Variants in PARVB observed in about 807,000 individuals in gnomAD.
The protein encoded by PARVB is beta-parvin.
In PARVB, 46 loss-of-function variants were observed where a neutral mutation model predicts 47.0. The ratio of observed to expected loss-of-function variants is 0.98; its 90% CI spans 0.77 to 1.25. The LOEUF is 1.25. Among genes scored for constraint, PARVB ranks in the 50% most tolerant of loss-of-function variants. The probability of loss-of-function intolerance (pLI) is 0.00; values close to 1 mark genes in which losing one functional copy is unlikely to be tolerated. For missense variants in PARVB, 473 were observed against 471.6 expected (o/e 1.00, Z -0.03); for synonymous variants, 196 against 196.3 (o/e 1.00, Z 0.01).
At chr22:44,120,262 G>A (rs1271562372) in intron 4 of PARVB, among the ~76,000 whole-genome samples, 2 of 152,202 alleles carry the variant, frequency 1.3e-5, no homozygotes, top group African/African-American at 4.8e-5. Context: ...AGATGTCCCT[G>A]GTTGTCCCCA....
At chr22:44,016,281 A>G (rs965266671) in intron 2 of PARVB, among the ~76,000 whole-genome samples, 3 of 151,890 alleles carry the variant, frequency 2.0e-5, no homozygotes, top group African/African-American at 7.2e-5. Flanking sequence ...TATTTTTAGT[A>G]GAGACGGGGT....
At chr22:44,024,969 T>G (rs945261590) in intron 1 of PARVB, among the ~76,000 whole-genome samples, 1 of 151,680 alleles carries the variant, frequency 6.6e-6, no homozygotes, top group Non-Finnish European at 1.5e-5. Flanking sequence ...CATTAAAAAT[T>G]TTTTTTTTTA....
At chr22:44,042,532 C>T (rs1335501642) in intron 1 of PARVB, among the ~76,000 whole-genome samples, 1 of 152,184 alleles carries the variant, frequency 6.6e-6, no homozygotes, top group Non-Finnish European at 1.5e-5. Flanking sequence ...GACACGCCAC[C>T]CTGGGAACTG....
At chr22:44,086,754 T>C (rs979687770) in intron 1 of PARVB, 62 of 985,352 alleles carry the variant, frequency 6.3e-5, no homozygotes, top group Non-Finnish European at 1.6e-5. Flanking sequence ...TAAGAAGACC[T>C]TCGTGCCTGA....
chr22:44,017,071 C>G (rs574918432), intron 2 of PARVB, among the ~76,000 whole-genome samples: 1 of 151,980 alleles, frequency 6.6e-6, no homozygotes, highest in African/African-American at 2.4e-5. Context: ...GATGGGGTTT[C>G]GCCCTGTTGG....
intron 3 of PARVB, chr22:44,106,138 G>GTGTTTT: frequency 1.4e-5 from 1 of 69,352 alleles, no homozygotes; most frequent in Non-Finnish European, 2.6e-5. Context: ...AGCCAGATGT[G>GTGTTTT]TTTTTTTTTT....
At chr22:44,114,967 T>C (rs1404377348) in intron 3 of PARVB, 1 of 110,332 alleles carries the variant, frequency 9.1e-6, no homozygotes, top group Admixed American at 8.0e-5. Context: ...CACAGATACG[T>C]TGTTACTAAG....
At chr22:44,084,695 T>G (rs1309934351) in intron 1 of PARVB, among the ~76,000 whole-genome samples, 2 of 152,180 alleles carry the variant, frequency 1.3e-5, no homozygotes, top group Non-Finnish European at 2.9e-5. Context: ...TGCAGGACTT[T>G]CCCTCCCCAG....
intron 1 of PARVB, among the ~76,000 whole-genome samples, chr22:44,056,063 G>A (rs1414354103): frequency 6.6e-6 from 1 of 152,218 alleles, no homozygotes; most frequent in Non-Finnish European, 1.5e-5. Flanking sequence ...CTTTCCTTGC[G>A]TTTTGCACAC....
intron 1 of PARVB, among the ~76,000 whole-genome samples, chr22:44,066,094 G>T (rs114906490): frequency 1.3e-5 from 2 of 152,304 alleles, no homozygotes; most frequent in African/African-American, 4.8e-5. Context: ...AATGAGAGTG[G>T]CGCTACAGCA....
chr22:44,088,432 G>A (rs577304416), intron 1 of PARVB, among the ~76,000 whole-genome samples: 5 of 152,240 alleles, frequency 3.3e-5, no homozygotes, highest in African/African-American at 9.6e-5. Flanking sequence ...TAACAGCACA[G>A]GACCAGCCAC....
intron 1 of PARVB, among the ~76,000 whole-genome samples, chr22:44,065,533 G>A (rs1484369862): frequency 2.0e-5 from 3 of 152,124 alleles, no homozygotes; most frequent in Non-Finnish European, 4.4e-5. Context: ...ACATGAATAA[G>A]CTCTTTAGTG....
intron 4 of PARVB, among the ~76,000 whole-genome samples, chr22:44,126,385 G>T (rs1261159951): frequency 1.3e-5 from 2 of 152,170 alleles, no homozygotes; most frequent in African/African-American, 2.4e-5. Flanking sequence ...TTGATGTTTT[G>T]CATTGCAGTA....
At chr22:44,038,166 T>G (rs1318371663) in intron 1 of PARVB, among the ~76,000 whole-genome samples, 1 of 152,264 alleles carries the variant, frequency 6.6e-6, no homozygotes, top group Non-Finnish European at 1.5e-5. Flanking sequence ...GTCCCTGCAT[T>G]CCTGTTTCAG....
Position 44,133,029 on chromosome 22 carries a change from C to G in PARVB, c.633+20C>G, listed in dbSNP as rs748130173. 3.2e-6 allele frequency: 5 copies of G among 1,561,382 alleles called. No homozygotes were observed. Among genetic ancestry groups the G allele is most frequent in the Non-Finnish European group, 4.4e-6 (5 of 1,140,234 alleles). ...GTGCGGGTGAGTATAACCGAGTGGT[C>G]GGCCTGCCTGTAACTCCGCCAGAGA... On this transcript the variant is annotated intron_variant, in intron 6 of 12. Transcript: ENST00000338758.
intron 10 of PARVB, 51 bp downstream of exon 10, chr22:44,151,602 C>A: frequency 7.0e-7 from 1 of 1,433,544 alleles, no homozygotes; most frequent in South Asian, 1.1e-5. Flanking sequence ...CATTTTCAGT[C>A]AGTGTTTTGA....
intron 1 of PARVB, among the ~76,000 whole-genome samples, chr22:44,030,749 T>A (rs2050811493): frequency 6.9e-6 from 1 of 144,360 alleles, no homozygotes; most frequent in Admixed American, 6.7e-5. Context: ...TCCTTGTTTG[T>A]GGGAGGGGTG....
chr22:44,001,303 C>T (rs1271667493), intron 2 of PARVB, among the ~76,000 whole-genome samples: 2 of 152,180 alleles, frequency 1.3e-5, no homozygotes, highest in African/African-American at 4.8e-5. Context: ...TATCAGCACC[C>T]GTTGGATCAG....
chr22:44,147,055 C>A (rs76446933), intron 8 of PARVB: 18 of 158,200 alleles, frequency 1.1e-4, no homozygotes, highest in African/African-American at 3.6e-4. Flanking sequence ...GGAACTCCCC[C>A]CTCCATGGCA....
Sources: gnomAD v4.1 joint callset for allele counts (sites outside exome capture counted in the v4.1 genomes callset) on GRCh38, gnomAD v4.1.1 for gene constraint, MANE v1.5 for transcripts, NCBI Gene and HGNC (gene_info 2026-07-23, HGNC 2026-07-21) for gene names.